Variants in NKAIN3 observed in about 807,000 individuals in gnomAD.
The protein encoded by NKAIN3 is sodium/potassium transporting ATPase interacting 3.
NKAIN3 carries 25 observed loss-of-function variants against 30.2 expected under a neutral mutation model. The ratio of observed to expected loss-of-function variants is 0.83; its 90% CI spans 0.60 to 1.16. The LOEUF (loss-of-function observed/expected upper bound fraction) is 1.16, where lower values mean the gene tolerates loss of function less well. Among genes scored for constraint, NKAIN3 ranks in the 50% most tolerant of loss-of-function variants. The pLI, the probability that NKAIN3 is intolerant of heterozygous loss-of-function variation, is 0.00. For synonymous variants in NKAIN3, 91 were observed against 89.6 expected (o/e 1.02, Z -0.09); for missense variants, 225 against 254.1 (o/e 0.89, Z 0.78).
At chr8:62,929,471 A>T (rs182718060) in intron 5 of NKAIN3, among the ~76,000 whole-genome samples, 51 of 152,302 alleles carry the variant, frequency 3.3e-4, no homozygotes, top group African/African-American at 1.2e-3. Context: ...TTTCTTTTTT[A>T]CTTAAGGAAA....
At chr8:62,448,269 A>G (rs1252863704) in intron 1 of NKAIN3, among the ~76,000 whole-genome samples, 1 of 151,828 alleles carries the variant, frequency 6.6e-6, no homozygotes, top group Non-Finnish European at 1.5e-5. Context: ...AGGAGGACAG[A>G]GACTACAAAG....
chr8:62,912,878 C>T (rs56052256), intron 4 of NKAIN3, among the ~76,000 whole-genome samples: 15,457 of 152,036 alleles, frequency 0.1, 886 homozygotes, highest in East Asian at 0.17. Context: ...TATTGCACTC[C>T]AGCCTGGGCA....
chr8:62,308,721 A>G (rs1814333887), intron 1 of NKAIN3, among the ~76,000 whole-genome samples: 1 of 150,502 alleles, frequency 6.6e-6, no homozygotes, highest in Non-Finnish European at 1.5e-5. Flanking sequence ...AAGAGCTTGA[A>G]TCCAGGTGAC....
chr8:62,295,525 G>A (rs1274524560), intron 1 of NKAIN3, among the ~76,000 whole-genome samples: 3 of 152,082 alleles, frequency 2.0e-5, no homozygotes, highest in Non-Finnish European at 1.5e-5. Flanking sequence ...CTTCAGTTTT[G>A]TAGTCTATAA....
In NKAIN3 at chr8:62,460,273, G is replaced by A. The variant is rs192193377; in HGVS notation, c.55-119266G>A. On this transcript the variant is annotated intron_variant, in intron 1 of 6. Coordinates refer to ENST00000623646, the MANE Select transcript of NKAIN3 (RefSeq NM_001304533.3). ...CTAAAAATACAAAAATTAGCCGGGT[G>A]TGGTGGCAGGTGCCTGTAATCCCAG... 2.3e-3 allele frequency among the ~76,000 whole-genome samples: 345 copies of A among 152,078 alleles called. 1 individual carries two copies. The highest frequency in any genetic ancestry group is 8.1e-3 in the African/African-American group (334 of 41,488).
At chr8:62,535,239 T>C (rs1240823050) in intron 1 of NKAIN3, among the ~76,000 whole-genome samples, 2 of 152,164 alleles carry the variant, frequency 1.3e-5, no homozygotes, top group African/African-American at 4.8e-5. Flanking sequence ...TCATGTTATG[T>C]TCGGAAAACT....
At chr8:62,745,533 A>G (rs772239860) in intron 3 of NKAIN3, among the ~76,000 whole-genome samples, 2 of 152,022 alleles carry the variant, frequency 1.3e-5, no homozygotes, top group Non-Finnish European at 2.9e-5. Flanking sequence ...CAGTCTTTGG[A>G]TTATTTGGAA....
chr8:62,813,572 A>T (rs1818563776), intron 4 of NKAIN3, among the ~76,000 whole-genome samples: 2 of 151,124 alleles, frequency 1.3e-5, no homozygotes, highest in Admixed American at 1.3e-4. Context: ...ATTTACATCC[A>T]CAGTTGTTTT....
At chr8:62,539,849 G>A (rs1808785453) in intron 1 of NKAIN3, among the ~76,000 whole-genome samples, 1 of 152,062 alleles carries the variant, frequency 6.6e-6, no homozygotes. Flanking sequence ...GAAAGTGTTG[G>A]GATTCAGGCA....
chr8:62,271,981 T>C (rs1812791521), intron 1 of NKAIN3, among the ~76,000 whole-genome samples: 1 of 152,170 alleles, frequency 6.6e-6, no homozygotes, highest in African/African-American at 2.4e-5. Context: ...GTGGCTATTA[T>C]AGAGGCAGTA....
At chr8:62,797,463 C>T (rs1427808242) in intron 4 of NKAIN3, among the ~76,000 whole-genome samples, 1 of 152,154 alleles carries the variant, frequency 6.6e-6, no homozygotes, top group Non-Finnish European at 1.5e-5. Flanking sequence ...CCTTTTTATA[C>T]TTGAGATGAA....
intron 4 of NKAIN3, among the ~76,000 whole-genome samples, chr8:62,911,715 T>C (rs1208846187): frequency 6.6e-6 from 1 of 152,030 alleles, no homozygotes; most frequent in Non-Finnish European, 1.5e-5. Context: ...CCAAACTTAC[T>C]GAACTATTTT....
chr8:62,276,058 T>A (rs1242848273), intron 1 of NKAIN3, among the ~76,000 whole-genome samples: 1 of 152,080 alleles, frequency 6.6e-6, no homozygotes, highest in African/African-American at 2.4e-5. Context: ...TGATTTTGAC[T>A]TTTTTCTTTT....
chr8:62,309,336 A>G (rs1814354136), intron 1 of NKAIN3, among the ~76,000 whole-genome samples: 2 of 150,660 alleles, frequency 1.3e-5, no homozygotes, highest in East Asian at 1.9e-4. Context: ...TATAAAAAGC[A>G]TCCTGTGTTT....
chr8:62,554,532 G>A (rs1403492915), intron 1 of NKAIN3, among the ~76,000 whole-genome samples: 2 of 152,074 alleles, frequency 1.3e-5, no homozygotes, highest in South Asian at 2.1e-4. Context: ...GAATATTCAC[G>A]AAAATAAGTT....
In NKAIN3 at chr8:62,634,080, A is replaced by T. The variant is rs190484198; in HGVS notation, c.273+44286A>T. Reference sequence around the variant, plus strand: ...ATTGAAACCAGCCCAATTGTCTCATAGAACATATATTTATGGTTTCTGTTG... The same window carrying T: ...ATTGAAACCAGCCCAATTGTCTCATTGAACATATATTTATGGTTTCTGTTG... On this transcript the variant is annotated intron_variant, in intron 3 of 6. Transcript: ENST00000623646. 2.3e-4 allele frequency among the ~76,000 whole-genome samples: 35 copies of T among 152,290 alleles called. 1 individual carries two copies. Among genetic ancestry groups the T allele is most frequent in the Admixed American group, 2.2e-3 (33 of 15,286 alleles).
intron 1 of NKAIN3, among the ~76,000 whole-genome samples, chr8:62,346,348 A>G (rs1816005988): frequency 6.6e-6 from 1 of 152,134 alleles, no homozygotes; most frequent in African/African-American, 2.4e-5. Context: ...ATGTACACTT[A>G]TGATGCCAAT....
intron 1 of NKAIN3, among the ~76,000 whole-genome samples, chr8:62,507,323 G>A (rs945639140): frequency 6.6e-6 from 1 of 152,112 alleles, no homozygotes; most frequent in African/African-American, 2.4e-5. Flanking sequence ...TTAGAACAAC[G>A]TAATCAGTAC....
chr8:62,703,262 G>GC (rs1314048759), intron 3 of NKAIN3, among the ~76,000 whole-genome samples: 4 of 151,988 alleles, frequency 2.6e-5, no homozygotes, highest in African/African-American at 9.7e-5. Flanking sequence ...GATATTCACT[G>GC]TTTTTGGTCA....
Sources: gnomAD v4.1 joint callset for allele counts (sites outside exome capture counted in the v4.1 genomes callset) on GRCh38, gnomAD v4.1.1 for gene constraint, MANE v1.5 for transcripts, NCBI Gene and HGNC (gene_info 2026-07-23, HGNC 2026-07-21) for gene names.